Variants in SOX6 observed in about 807,000 individuals in gnomAD.
The protein encoded by SOX6 is SRY-box transcription factor 6.
In SOX6, 11 loss-of-function variants were observed where a neutral mutation model predicts 97.8. The observed-to-expected ratio is 0.11, with a 90% CI of 0.07 to 0.19. The LOEUF (loss-of-function observed/expected upper bound fraction) is 0.19, where lower values mean the gene tolerates loss of function less well. Among genes scored for constraint, SOX6 ranks in the 10% least tolerant of loss-of-function variants. The pLI, the probability that SOX6 is intolerant of heterozygous loss-of-function variation, is 1.00. For missense variants in SOX6, 810 were observed against 1,039.5 expected (o/e 0.78, Z 3.04); for synonymous variants, 360 against 371.4 (o/e 0.97, Z 0.35).
chr11:16,455,892 A>G (rs2133101109), intron 1 of SOX6, among the ~76,000 whole-genome samples: 1 of 152,156 alleles, frequency 6.6e-6, no homozygotes. Flanking sequence ...ACCTGCATAG[A>G]GTACATAAAT....
intron 3 of SOX6, among the ~76,000 whole-genome samples, chr11:16,694,733 A>G (rs1168359255): frequency 6.6e-6 from 1 of 152,184 alleles, no homozygotes; most frequent in Non-Finnish European, 1.5e-5. Context: ...AGCACCTACC[A>G]AAGTTCATCT....
intron 4 of SOX6, among the ~76,000 whole-genome samples, chr11:16,498,794 C>T (rs1366736437): frequency 1.3e-5 from 2 of 152,182 alleles, no homozygotes; most frequent in African/African-American, 4.8e-5. Flanking sequence ...TAAAGGAGCA[C>T]CCAGATTCAT....
At position 16,046,698 on chromosome 11, in the gene SOX6, AT is replaced by A; in HGVS notation, c.1438del (p.Ile480SerfsTer17). On this transcript the variant is annotated frameshift_variant and splice_region_variant, in exon 12 of 16. Coordinates refer to ENST00000683767, the MANE Select transcript of SOX6 (RefSeq NM_001367873.1). LOFTEE classifies it high-confidence loss of function. Reference sequence around the variant, plus strand: ...GGCAGGGGAGTTGAGACTAGATAGGATATCTGCATACACAGGATGCATTATT... The same window carrying A: ...GGCAGGGGAGTTGAGACTAGATAGGAATCTGCATACACAGGATGCATTATT... The part of the protein sequence containing the change: ...GSLGRGSSLD[I>X]LSSLNSPALF... The A allele has an allele frequency of 6.2e-7, 1 of 1,613,134 alleles. No homozygotes were observed. The highest frequency in any genetic ancestry group is 8.5e-7 in the Non-Finnish European group (1 of 1,179,650).
At chr11:16,451,097 T>C (rs1261025204) in intron 1 of SOX6, among the ~76,000 whole-genome samples, 2 of 151,952 alleles carry the variant, frequency 1.3e-5, no homozygotes, top group Non-Finnish European at 2.9e-5. Context: ...CCAGGTATGG[T>C]GGCACATGCC....
intron 1 of SOX6, among the ~76,000 whole-genome samples, chr11:16,421,705 T>G (rs1024426770): frequency 2.6e-5 from 4 of 152,216 alleles, no homozygotes; most frequent in African/African-American, 9.6e-5. Flanking sequence ...TCTTGTTCTT[T>G]TCAGAGATTG....
rs150150660 is a variant in SOX6 at position 16,251,691 on chromosome 11, C to T, written c.446-17020G>A. 6.2e-3 allele frequency among the ~76,000 whole-genome samples: 948 copies of T among 152,106 alleles called. 5 individuals are homozygous for T. The highest frequency in any genetic ancestry group is 0.04 in the South Asian group (191 of 4,826). On this transcript the variant is annotated intron_variant, in intron 3 of 15. Coordinates refer to ENST00000683767, the MANE Select transcript of SOX6 (RefSeq NM_001367873.1). ...GGAAATAATACCAATGTAGTACAAA[C>T]TTGGGAAACACTATCCAACTCATGT...
intron 12 of SOX6, among the ~76,000 whole-genome samples, chr11:16,037,295 T>A (rs1026183051): frequency 6.6e-6 from 1 of 152,166 alleles, no homozygotes; most frequent in African/African-American, 2.4e-5. Flanking sequence ...AGAAATTAAT[T>A]TGTTTATGTG....
upstream of SOX6, among the ~76,000 whole-genome samples, chr11:16,356,585 G>A (rs1251136353): frequency 2.0e-5 from 3 of 152,042 alleles, no homozygotes; most frequent in Non-Finnish European, 2.9e-5. Context: ...AACAGAGATC[G>A]GAATTTGGCA....
At position 16,580,908 on chromosome 11, in the gene SOX6, G is replaced by A. The variant is rs182356569; in HGVS notation, n.609+31173C>T. 6.1e-4 allele frequency among the ~76,000 whole-genome samples: 92 copies of A among 152,040 alleles called. 1 individual carries two copies. In the South Asian group the frequency reaches 8.1e-3, roughly 13 times the overall value. On this transcript the variant is annotated intron_variant and non_coding_transcript_variant, in intron 4 of 5. Transcript: ENST00000524520. ...AAACCACAATGAGATACCATCTCAC[G>A]CCAGACAGAATAGCGATTATTAAAA...
chr11:16,532,395 G>A (rs1322140220), intron 4 of SOX6, among the ~76,000 whole-genome samples: 2 of 151,764 alleles, frequency 1.3e-5, no homozygotes, highest in East Asian at 3.9e-4. Context: ...TCTACACTGG[G>A]CTCTAAATTA....
intron 6 of SOX6, among the ~76,000 whole-genome samples, chr11:16,161,236 T>A (rs80115158): frequency 0.012 from 1,826 of 152,122 alleles, 35 homozygotes; most frequent in African/African-American, 0.041. Context: ...AGCACAACAT[T>A]AGTACACCTA....
At chr11:16,428,140 GTC>G (rs1859190241) in intron 1 of SOX6, among the ~76,000 whole-genome samples, 1 of 152,224 alleles carries the variant, frequency 6.6e-6, no homozygotes, top group African/African-American at 2.4e-5. Flanking sequence ...TTTGAGAAGT[GTC>G]TGTTGATATC....
intron 6 of SOX6, among the ~76,000 whole-genome samples, chr11:16,159,319 T>C (rs909745502): frequency 3.3e-5 from 5 of 152,126 alleles, no homozygotes; most frequent in African/African-American, 9.6e-5. Context: ...TTCAAGACTT[T>C]AGGATAAATA....
chr11:16,430,461 C>T (rs1232869854), intron 1 of SOX6, among the ~76,000 whole-genome samples: 2 of 152,098 alleles, frequency 1.3e-5, no homozygotes, highest in African/African-American at 4.8e-5. Context: ...AATCCTCATC[C>T]TCAAAGTGAT....
chr11:16,520,353 C>A (rs1861039596), intron 4 of SOX6, among the ~76,000 whole-genome samples: 1 of 152,168 alleles, frequency 6.6e-6, no homozygotes, highest in Non-Finnish European at 1.5e-5. Flanking sequence ...AGTCTTTAAT[C>A]CATTTTGAGT....
chr11:16,496,551 G>T (rs1860600462), intron 4 of SOX6, among the ~76,000 whole-genome samples: 1 of 152,230 alleles, frequency 6.6e-6, no homozygotes, highest in African/African-American at 2.4e-5. Context: ...CAAGGGGTCA[G>T]GGAATTCCCT....
At chr11:16,038,900 A>G (rs1375969628) in intron 12 of SOX6, among the ~76,000 whole-genome samples, 2 of 152,136 alleles carry the variant, frequency 1.3e-5, no homozygotes, top group Non-Finnish European at 2.9e-5. Context: ...CTGAATAGGA[A>G]TGTTATAGGT....
At chr11:16,484,010 G>T in intron 4 of SOX6, 1 of 827,940 alleles carries the variant, frequency 1.2e-6, no homozygotes, top group Non-Finnish European at 2.1e-6. Context: ...AGGAGGCAAG[G>T]TCCTCGGGCT....
At chr11:16,637,102 C>T (rs1405544157) in intron 3 of SOX6, among the ~76,000 whole-genome samples, 1 of 152,104 alleles carries the variant, frequency 6.6e-6, no homozygotes, top group Admixed American at 6.6e-5. Flanking sequence ...AAACAACAAG[C>T]TTTTGGATTC....
Sources: gnomAD v4.1 joint callset for allele counts (sites outside exome capture counted in the v4.1 genomes callset) on GRCh38, gnomAD v4.1.1 for gene constraint, MANE v1.5 for transcripts, NCBI Gene and HGNC (gene_info 2026-07-23, HGNC 2026-07-21) for gene names.